The following GLDC variants were observed in gnomAD, a reference collection of about 807,000 sequenced individuals.
GLDC encodes glycine dehydrogenase (decarboxylating), mitochondrial.
In GLDC, 104 loss-of-function variants were observed where a neutral mutation model predicts 121.3. That is an observed-to-expected ratio of 0.86 (90% CI 0.73 to 1.01). The LOEUF (loss-of-function observed/expected upper bound fraction) is 1.01, where lower values mean the gene tolerates loss of function less well. GLDC is among the 50% of genes least tolerant of loss of function. The pLI is 0.00. For synonymous variants in GLDC, 546 were observed against 480.6 expected (o/e 1.14, Z -1.78); for missense variants, 1,429 against 1,306.6 (o/e 1.09, Z -1.44).
intron 2 of GLDC, among the ~76,000 whole-genome samples, chr9:6,621,730 C>T (rs1032451066): frequency 4.6e-5 from 7 of 152,314 alleles, no homozygotes; most frequent in Non-Finnish European, 1.0e-4. Context: ...ATTGGCTAGG[C>T]TGGTCTCGAA....
chr9:6,616,425 C>T (rs1818967831), intron 3 of GLDC, among the ~76,000 whole-genome samples: 2 of 152,152 alleles, frequency 1.3e-5, no homozygotes, highest in Admixed American at 6.6e-5. Flanking sequence ...ACTCCTTTTA[C>T]ATGTAAACTT....
intron 7 of GLDC, among the ~76,000 whole-genome samples, chr9:6,603,435 C>T (rs1217393378): frequency 6.6e-6 from 1 of 150,610 alleles, no homozygotes; most frequent in Non-Finnish European, 1.5e-5. Context: ...TATGGTGAAA[C>T]CCTGTTTTTA....
intron 2 of GLDC, among the ~76,000 whole-genome samples, chr9:6,640,907 G>T (rs1819617648): frequency 6.6e-6 from 1 of 152,060 alleles, no homozygotes; most frequent in Non-Finnish European, 1.5e-5. Flanking sequence ...CACTAATAAG[G>T]GCACCATTCA....
intron 15 of GLDC, among the ~76,000 whole-genome samples, chr9:6,574,815 G>T (rs1038413166): frequency 1.3e-5 from 2 of 152,062 alleles, no homozygotes; most frequent in Non-Finnish European, 2.9e-5. Flanking sequence ...AGGCTCGGTG[G>T]AAAACTTACC....
At position 6,559,991 on chromosome 9, in the gene GLDC, T is replaced by A. The variant is rs377739014; in HGVS notation, c.1927-1307A>T. On this transcript the variant is annotated intron_variant, in intron 16 of 24. Coordinates refer to ENST00000321612, the MANE Select transcript of GLDC (RefSeq NM_000170.3). ...AATCAAGGCAAAGTGCCTCAAGAGC[T>A]GAGCCTAAGTTAGAGCTTACAGCTG... 1.3e-3 allele frequency among the ~76,000 whole-genome samples: 204 copies of A among 152,304 alleles called. 1 individual carries two copies. Among genetic ancestry groups the A allele is most frequent in the South Asian group, 4.6e-3 (22 of 4,826 alleles).
chr9:6,565,521 C>A, intron 15 of GLDC, 92 bp from the exon 16 acceptor site: 2 of 905,322 alleles, frequency 2.2e-6, no homozygotes, highest in Non-Finnish European at 3.7e-6. Context: ...AGGGGTTCAC[C>A]AGCACGTGAC....
intron 16 of GLDC, among the ~76,000 whole-genome samples, chr9:6,562,467 C>T (rs1817777716): frequency 6.6e-6 from 1 of 152,224 alleles, no homozygotes; most frequent in South Asian, 2.1e-4. Flanking sequence ...TGTGTGGGAG[C>T]AGCTGCCTCA....
intron 2 of GLDC, among the ~76,000 whole-genome samples, chr9:6,640,454 C>G (rs1211193792): frequency 1.3e-5 from 2 of 152,186 alleles, no homozygotes; most frequent in South Asian, 2.1e-4. Context: ...AGTGCGCAAC[C>G]CAACTAGGGT....
intron 2 of GLDC, among the ~76,000 whole-genome samples, chr9:6,629,957 A>ATATTTTTTTTTT: frequency 1.2e-5 from 1 of 83,064 alleles, no homozygotes; most frequent in African/African-American, 6.8e-5. Context: ...ATATATATAT[A>ATATTTTTTTTTT]TTTTTTTTTT....
intron 14 of GLDC, among the ~76,000 whole-genome samples, 162 bp downstream of exon 14, chr9:6,588,239 A>T (rs1404852472): frequency 6.6e-6 from 1 of 152,212 alleles, no homozygotes; most frequent in Non-Finnish European, 1.5e-5. Flanking sequence ...TGAGAAATAC[A>T]GGGTTACTCC....
intron 2 of GLDC, among the ~76,000 whole-genome samples, chr9:6,620,991 A>T (rs975504000): frequency 4.6e-5 from 7 of 152,234 alleles, no homozygotes; most frequent in African/African-American, 1.4e-4. Context: ...AAGGCGGTGA[A>T]ACCCCGTCTC....
At chr9:6,629,957 A>ATATATATGTATACATATATATATATAT in intron 2 of GLDC, among the ~76,000 whole-genome samples, 2 of 83,102 alleles carry the variant, frequency 2.4e-5, no homozygotes, top group African/African-American at 1.4e-4. Flanking sequence ...ATATATATAT[A>ATATATATGTATACATATATATATATAT]TTTTTTTTTT....
intron 3 of GLDC, among the ~76,000 whole-genome samples, chr9:6,613,291 A>G (rs902440493): frequency 2.0e-5 from 3 of 152,256 alleles, no homozygotes; most frequent in Admixed American, 6.5e-5. Context: ...ATTCAGGTGC[A>G]TTTTTTCCAA....
intron 2 of GLDC, among the ~76,000 whole-genome samples, chr9:6,630,611 G>C (rs1404387567): frequency 6.6e-6 from 1 of 152,130 alleles, no homozygotes; most frequent in African/African-American, 2.4e-5. Context: ...GGGAAAGCTG[G>C]GGCCAGAATG....
intron 15 of GLDC, 85 bp from the exon 16 acceptor site, chr9:6,565,514 G>C: frequency 1.0e-6 from 1 of 997,510 alleles, no homozygotes; most frequent in Non-Finnish European, 1.6e-6. Flanking sequence ...CCTGGCCAGG[G>C]GTTCACCAGC....
chr9:6,604,728 T>G lies in GLDC; in HGVS notation c.918A>C (p.Gly306=), dbSNP rs1157125186. The part of the protein sequence containing the change: ...LLALCILRPP[G]EFGVDIALGS... ...CCAGGGCGATGTCTACCCCAAATTCTCCAGGTGGCCTCAAGATGCACAAAG... is the reference window on the plus strand; with the variant it reads ...CCAGGGCGATGTCTACCCCAAATTCGCCAGGTGGCCTCAAGATGCACAAAG... Residue 306 remains glycine (G), a synonymous_variant, in exon 7 of 25, where the codon GGA becomes GGC. Transcript: ENST00000321612. The G allele has an allele frequency of 1.9e-6, 3 of 1,614,128 alleles. No individual in the cohort carries two copies. Among genetic ancestry groups the G allele is most frequent in the Non-Finnish European group, 2.5e-6 (3 of 1,180,006 alleles).
chr9:6,567,096 C>G (rs1359145308), intron 15 of GLDC: 1 of 151,144 alleles, frequency 6.6e-6, no homozygotes, highest in East Asian at 1.9e-4. Context: ...GAAGTCTTGT[C>G]TGATTGATAG....
At chr9:6,604,441 G>A in intron 7 of GLDC, 147 bp downstream of exon 7, 2 of 800,994 alleles carry the variant, frequency 2.5e-6, no homozygotes, top group Non-Finnish European at 2.0e-6. Context: ...ATCCCAAACA[G>A]AATTGTTCTT....
At chr9:6,583,848 G>A (rs539596468) in intron 15 of GLDC, among the ~76,000 whole-genome samples, 1 of 152,274 alleles carries the variant, frequency 6.6e-6, no homozygotes, top group South Asian at 2.1e-4. Context: ...AATGGAGGCC[G>A]CCAGGGGCCA....
Sources: allele counts gnomAD v4.1 joint callset (sites outside exome capture counted in the v4.1 genomes callset), GRCh38; gene constraint gnomAD v4.1.1; transcripts MANE v1.5; gene names NCBI Gene and HGNC (gene_info 2026-07-23, HGNC 2026-07-21).